The following RNPEP variants were observed in gnomAD, a reference collection of about 807,000 sequenced individuals.
RNPEP encodes the protein aminopeptidase B.
Under a neutral mutation model 70.1 loss-of-function variants are expected in RNPEP, and 57 were observed. That is an observed-to-expected ratio of 0.81 (90% CI 0.66 to 1.01). RNPEP has a LOEUF of 1.01. Ranked by LOEUF, RNPEP falls within the 50% of genes least tolerant of loss-of-function variation. The pLI, the probability that RNPEP is intolerant of heterozygous loss-of-function variation, is 0.00. For missense variants in RNPEP, 787 were observed against 852.4 expected, an observed-to-expected ratio of 0.92 and a Z score of 0.96; for synonymous variants, 335 against 357.4, an observed-to-expected ratio of 0.94 and a Z score of 0.71.
At chr1:201,983,879 T>C in intron 1 of RNPEP, 1 of 995,574 alleles carries the variant, frequency 1.0e-6, no homozygotes, top group Admixed American at 5.7e-5. Flanking sequence ...GCCAGTTATC[T>C]CTCAGGTAGA....
Position 202,005,571 on chromosome 1 carries a change from A to G in RNPEP, c.1808A>G (p.Tyr603Cys). The G allele has an allele frequency of 6.2e-7, 1 of 1,614,146 alleles. No individual in the cohort carries two copies. The highest frequency in any genetic ancestry group is 2.2e-5 in the East Asian group (1 of 44,878). ...TGTTTCTTGCAGGGGAAGCAGAAGTATACACTTCCGCTGTACCACGCAATG... is the reference window on the plus strand; with the variant it reads ...TGTTTCTTGCAGGGGAAGCAGAAGTGTACACTTCCGCTGTACCACGCAATG... ...EFLHNQGKQK[Y>C]TLPLYHAMMG... is the part of the protein sequence containing the mutation. The change falls in exon 11 of 11, where the codon TAT becomes TGT. Residue 603 changes from tyrosine (Y) to cysteine (C), a missense_variant. Coordinates refer to ENST00000295640, the MANE Select transcript of RNPEP (RefSeq NM_020216.4).
intron 2 of RNPEP, 26 bp downstream of exon 2, chr1:201,989,070 C>A: frequency 6.2e-7 from 1 of 1,602,958 alleles, no homozygotes. Flanking sequence ...TTAGGTGCAC[C>A]TGCCCTTGGG....
chr1:201,983,890 G>A (rs1683031475), intron 1 of RNPEP: 1 of 992,634 alleles, frequency 1.0e-6, no homozygotes, highest in Non-Finnish European at 1.2e-6. Flanking sequence ...CTCAGGTAGA[G>A]TTGGTTGCAA....
At chr1:201,985,586 A>G (rs1052964848) in intron 1 of RNPEP, among the ~76,000 whole-genome samples, 2 of 152,140 alleles carry the variant, frequency 1.3e-5, no homozygotes, top group African/African-American at 4.8e-5. Flanking sequence ...GAGAGTTCCC[A>G]TATACAGTTC....
intron 10 of RNPEP, 112 bp downstream of exon 10, chr1:202,004,608 A>G (rs1045577309): frequency 1.7e-5 from 22 of 1,330,362 alleles, no homozygotes; most frequent in Middle Eastern, 5.4e-4. Context: ...GCACAGAGGG[A>G]GGGGCAAATG....
At chr1:201,990,569 C>T (rs1683292352) in intron 3 of RNPEP, among the ~76,000 whole-genome samples, 1 of 152,204 alleles carries the variant, frequency 6.6e-6, no homozygotes, top group Non-Finnish European at 1.5e-5. Flanking sequence ...GCCCTGCTCC[C>T]AGTTCCTAGA....
In RNPEP at chr1:202,005,651, G is replaced by A. The variant is rs148685424; in HGVS notation, c.1888G>A (p.Ala630Thr). The A allele has an allele frequency of 1.2e-3, 1,903 of 1,614,192 alleles. 7 individuals are homozygous for A. Among genetic ancestry groups the A allele is most frequent in the Middle Eastern group, 5.9e-3 (36 of 6,062 alleles). ...CGCCAAGGAGACTTTTGCATCCACC[G>A]CCTCCCAGCTCCACAGCAATGTTGT... ...TLAKETFAST[A>T]SQLHSNVVNY... The change falls in exon 11 of 11, where the codon GCC (alanine) becomes ACC (threonine). Residue 630 changes from alanine to threonine, a missense_variant. Physicochemically the swap from Ala to Thr is moderately conservative, Grantham distance 58. Transcript: ENST00000295640.
chr1:202,001,746 AAG>A lies in RNPEP; in HGVS notation c.1410_1411del (p.Arg470SerfsTer8), dbSNP rs747110551. The A allele has an allele frequency of 5.0e-6, 8 of 1,602,920 alleles. No individual in the cohort carries two copies. The highest frequency in any genetic ancestry group is 1.7e-5 in the Admixed American group (1 of 59,978). ...GGAATATTTCCCTGAGCTTAAGAAAAAGAGAGTGGATATCATTCCAGGTAAGC... is the reference window on the plus strand; with the variant it reads ...GGAATATTTCCCTGAGCTTAAGAAAAAGAGTGGATATCATTCCAGGTAAGC... ...YLEYFPELKK[K>X]RVDIIPGFEF... On this transcript the variant is annotated frameshift_variant, in exon 8 of 11. Coordinates refer to ENST00000295640, the MANE Select transcript of RNPEP (RefSeq NM_020216.4). LOFTEE classifies it high-confidence loss of function.
Position 201,996,245 on chromosome 1 carries a change from G to A in RNPEP, c.836G>A (p.Gly279Glu). The A allele has an allele frequency of 1.2e-6, 2 of 1,612,364 alleles. No homozygotes were observed. Among genetic ancestry groups the A allele is most frequent in the Non-Finnish European group, 1.7e-6 (2 of 1,178,416 alleles). The change falls in exon 4 of 11, where the codon GGA becomes GAA. Residue 279 changes from glycine to glutamate, a missense_variant. Transcript: ENST00000295640. Reference protein sequence around the residue: ...EFLATGEKLFGPYVWGRYDLL... With the variant: ...EFLATGEKLFEPYVWGRYDLL... ...TTGGCAACAGGAGAGAAGCTTTTTG[G>A]ACCTTATGTTTGGGGAAGGTGTGGT...
chr1:201,990,618 G>T (rs1683293811), intron 3 of RNPEP, among the ~76,000 whole-genome samples: 1 of 151,922 alleles, frequency 6.6e-6, no homozygotes, highest in African/African-American at 2.4e-5. Flanking sequence ...ACGAGCCTCA[G>T]ACTTCATAAC....
chr1:201,988,598 C>G (rs1040809510), intron 1 of RNPEP, among the ~76,000 whole-genome samples: 2 of 151,860 alleles, frequency 1.3e-5, no homozygotes, highest in African/African-American at 4.8e-5. Flanking sequence ...GTGAAAAGGA[C>G]ACAGATAGGG....
At chr1:201,989,952 CT>C (rs2102966100) in intron 3 of RNPEP, among the ~76,000 whole-genome samples, 1 of 151,838 alleles carries the variant, frequency 6.6e-6, no homozygotes, top group East Asian at 1.9e-4. Context: ...TCAAGCGATT[CT>C]CCTGCCCCAG....
intron 8 of RNPEP, 150 bp from the exon 9 acceptor site, chr1:202,003,087 C>T (rs1033474002): frequency 2.3e-5 from 14 of 620,688 alleles, no homozygotes; most frequent in African/African-American, 1.1e-4. Flanking sequence ...CCTGCTGGAG[C>T]GAATAGTTAC....
chr1:202,004,707 G>A (rs1683978661), intron 10 of RNPEP, among the ~76,000 whole-genome samples: 1 of 152,218 alleles, frequency 6.6e-6, no homozygotes, highest in Non-Finnish European at 1.5e-5. Flanking sequence ...GGCTTGCAGT[G>A]CTTTCTGCAA....
At chr1:201,989,285 A>T (rs1459521996) in intron 2 of RNPEP, 98 bp from the exon 3 acceptor site, 4 of 1,419,616 alleles carry the variant, frequency 2.8e-6, no homozygotes, top group Non-Finnish European at 3.9e-6. Flanking sequence ...ACTCCAGGCC[A>T]TTATCATCAC....
chr1:201,983,562 GA>G, intron 1 of RNPEP: 1 of 1,307,184 alleles, frequency 7.7e-7, no homozygotes, highest in Non-Finnish European at 1.0e-6. Context: ...GGTGGCTCTA[GA>G]ATTAGCCAGA....
chr1:201,990,312 C>G (rs922686136), intron 3 of RNPEP, among the ~76,000 whole-genome samples: 1 of 152,212 alleles, frequency 6.6e-6, no homozygotes, highest in Non-Finnish European at 1.5e-5. Flanking sequence ...ACTCTCCTTC[C>G]TATCTGCAGC....
chr1:202,002,963 G>C (rs138098524), intron 8 of RNPEP, among the ~76,000 whole-genome samples: 2 of 152,172 alleles, frequency 1.3e-5, no homozygotes, highest in Admixed American at 1.3e-4. Flanking sequence ...AGGAGAATGT[G>C]CACGTGAATA....
intron 6 of RNPEP, 70 bp downstream of exon 6, chr1:202,000,085 T>C (rs889625910): frequency 9.7e-6 from 11 of 1,129,484 alleles, no homozygotes; most frequent in Admixed American, 2.0e-5. Flanking sequence ...TAATGCGAAC[T>C]TCATGTTGAT....
Sources: allele counts gnomAD v4.1 joint callset (sites outside exome capture counted in the v4.1 genomes callset), GRCh38; gene constraint gnomAD v4.1.1; transcripts MANE v1.5; gene names NCBI Gene and HGNC (gene_info 2026-07-23, HGNC 2026-07-21).